GOLGA4: variants seen among roughly 807,000 people sequenced by gnomAD.
The protein encoded by GOLGA4 is golgin subfamily A member 4.
Under a neutral mutation model 265.9 loss-of-function variants are expected in GOLGA4, and 169 were observed. The ratio of observed to expected loss-of-function variants is 0.64; its 90% CI spans 0.56 to 0.72. The LOEUF (loss-of-function observed/expected upper bound fraction) is 0.72, where lower values mean the gene tolerates loss of function less well. Among genes scored for constraint, GOLGA4 ranks in the 30% least tolerant of loss-of-function variants. The pLI, the probability that GOLGA4 is intolerant of heterozygous loss-of-function variation, is 0.00. For missense variants in GOLGA4, 2,482 were observed against 2,483.4 expected, an observed-to-expected ratio of 1.00 and a Z score of 0.01; for synonymous variants, 923 against 855.8, an observed-to-expected ratio of 1.08 and a Z score of -1.37.
intron 23 of GOLGA4, among the ~76,000 whole-genome samples, chr3:37,362,619 G>A (rs1402617127): frequency 1.3e-5 from 2 of 151,168 alleles, no homozygotes; most frequent in African/African-American, 2.4e-5. Context: ...TCATTCCTGT[G>A]TCAGCTCCTG....
rs2097017107 is a variant in GOLGA4 at position 37,337,229 on chromosome 3, C to A, written c.6327+66C>A. On this transcript the variant is annotated intron_variant, in intron 18 of 23. Transcript: ENST00000361924. The stretch of plus-strand genomic sequence containing the variant: ...TTGAGACAGATTCTCACTCTGTTGC[C>A]CAGGCTGTTGCCCAGGCTGGAGTGC... The A allele has an allele frequency of 3.1e-5, 27 of 871,228 alleles. 1 individual carries two copies. In the South Asian group the frequency reaches 4.0e-4, roughly 13 times the overall value. The allele number at this position is 871,228 out of a possible 1,614,324, so 54.0% of individuals were successfully genotyped here.
At chr3:37,247,618 G>A (rs146404698) in intron 1 of GOLGA4, among the ~76,000 whole-genome samples, 11 of 152,304 alleles carry the variant, frequency 7.2e-5, no homozygotes, top group African/African-American at 2.6e-4. Flanking sequence ...TAATAACCCA[G>A]TTATTATTTT....
chr3:37,358,720 A>G (rs893899247), intron 22 of GOLGA4, among the ~76,000 whole-genome samples: 1 of 152,160 alleles, frequency 6.6e-6, no homozygotes, highest in Non-Finnish European at 1.5e-5. Flanking sequence ...AGAGACTGGA[A>G]AGGTAAATCA....
intron 2 of GOLGA4, among the ~76,000 whole-genome samples, chr3:37,252,279 A>G (rs1344189288): frequency 6.8e-6 from 1 of 147,946 alleles, no homozygotes; most frequent in African/African-American, 2.5e-5. Context: ...CCCCTGAAGG[A>G]TTACCACCAT....
At chr3:37,286,998 A>G (rs2096851256) in intron 4 of GOLGA4, among the ~76,000 whole-genome samples, 1 of 152,210 alleles carries the variant, frequency 6.6e-6, no homozygotes. Context: ...GCTAAGGAGA[A>G]ATATCCATTC....
At chr3:37,359,450 C>G (rs1295300263) in intron 22 of GOLGA4, among the ~76,000 whole-genome samples, 1 of 152,104 alleles carries the variant, frequency 6.6e-6, no homozygotes, top group Admixed American at 6.5e-5. Flanking sequence ...AGACATTTTT[C>G]TCTTTAGAGT....
At chr3:37,311,474 G>A (rs2096922972) in intron 10 of GOLGA4, among the ~76,000 whole-genome samples, 1 of 152,162 alleles carries the variant, frequency 6.6e-6, no homozygotes, top group African/African-American at 2.4e-5. Context: ...AATGGAGCTC[G>A]ATCCATTTCA....
intron 2 of GOLGA4, among the ~76,000 whole-genome samples, chr3:37,273,364 T>G (rs2096804083): frequency 1.3e-5 from 2 of 152,228 alleles, no homozygotes; most frequent in Non-Finnish European, 2.9e-5. Context: ...ATACTTACCA[T>G]ACTACAATAG....
chr3:37,321,068 T>C (rs549034396), intron 12 of GOLGA4, among the ~76,000 whole-genome samples: 1 of 152,342 alleles, frequency 6.6e-6, no homozygotes, highest in Admixed American at 6.5e-5. Flanking sequence ...TAAGTACACT[T>C]GTCTTAATTG....
chr3:37,276,330 G>C, intron 2 of GOLGA4: 5 of 1,605,932 alleles, frequency 3.1e-6, no homozygotes, highest in Admixed American at 1.7e-5. Flanking sequence ...GTCCTCTGTG[G>C]GAATATTCCT....
At chr3:37,276,391 G>A (rs2096818774) in intron 2 of GOLGA4, 16 of 1,607,844 alleles carry the variant, frequency 1.0e-5, no homozygotes, top group African/African-American at 1.3e-5. Context: ...GTGATGAGCT[G>A]AAAGAGATGT....
chr3:37,350,131 G>A (rs1185354322), intron 21 of GOLGA4, among the ~76,000 whole-genome samples: 1 of 152,112 alleles, frequency 6.6e-6, no homozygotes, highest in African/African-American at 2.4e-5. Context: ...TAAATCAGGT[G>A]GCTCATTTGA....
intron 14 of GOLGA4, 112 bp from the exon 15 acceptor site, chr3:37,328,301 CAAA>C: frequency 2.3e-6 from 2 of 887,708 alleles, no homozygotes; most frequent in Non-Finnish European, 3.5e-6. Flanking sequence ...CTCTCTCTCT[CAAA>C]AATGTTTTCA....
chr3:37,266,611 T>C (rs2150694918), intron 2 of GOLGA4, among the ~76,000 whole-genome samples: 1 of 152,286 alleles, frequency 6.6e-6, no homozygotes. Context: ...TGTTCATAGA[T>C]TGGATTTTGA....
chr3:37,366,354 G>T lies in GOLGA4; in HGVS notation c.*308G>T. 2 of 389,772 alleles carry T rather than the reference G, an allele frequency of 5.1e-6. No individual in the cohort carries two copies. The highest frequency in any genetic ancestry group is 1.3e-4 in the South Asian group (1 of 7,622). The allele number at this position is 389,772 out of a possible 1,614,324, so 24.1% of individuals were successfully genotyped here. On this transcript the variant is annotated 3_prime_UTR_variant, in exon 24 of 24. Coordinates refer to ENST00000361924, the MANE Select transcript of GOLGA4 (RefSeq NM_002078.5). ...ATTTTGATAACTTAACCTGCTTTAT[G>T]GGCTTACATAATATTCCTTTCATCC... is the stretch of plus-strand genomic sequence containing the variant.
At chr3:37,361,354 T>C in intron 23 of GOLGA4, 49 bp downstream of exon 23, 1 of 1,307,028 alleles carries the variant, frequency 7.7e-7, no homozygotes, top group Middle Eastern at 1.8e-4. Context: ...ATCAAATGTG[T>C]TGCCTGATAC....
At chr3:37,354,827 T>G (rs1031713775) in intron 21 of GOLGA4, among the ~76,000 whole-genome samples, 2 of 152,124 alleles carry the variant, frequency 1.3e-5, no homozygotes, top group Non-Finnish European at 2.9e-5. Flanking sequence ...AAGTTTTATT[T>G]AAATAAAGGG....
intron 7 of GOLGA4, among the ~76,000 whole-genome samples, chr3:37,296,790 C>T (rs751229958): frequency 3.3e-5 from 5 of 152,158 alleles, no homozygotes; most frequent in African/African-American, 9.6e-5. Flanking sequence ...AGGCTGGTCT[C>T]GAACTCCTAA....
chr3:37,299,830 G>T (rs1055538266), intron 9 of GOLGA4, among the ~76,000 whole-genome samples: 13 of 151,530 alleles, frequency 8.6e-5, no homozygotes, highest in African/African-American at 3.2e-4. Flanking sequence ...CGGGAGGATT[G>T]CTTGAAGCCA....
Sources: allele counts gnomAD v4.1 joint callset (sites outside exome capture counted in the v4.1 genomes callset), GRCh38; gene constraint gnomAD v4.1.1; transcripts MANE v1.5; gene names NCBI Gene and HGNC (gene_info 2026-07-23, HGNC 2026-07-21).